The following OTUD7A variants were observed in gnomAD, a reference collection of about 807,000 sequenced individuals.
The protein encoded by OTUD7A is OTU deubiquitinase 7A, also known as OTU domain-containing protein 7A.
OTUD7A carries 12 observed loss-of-function variants against 65.7 expected under a neutral mutation model. The ratio of observed to expected loss-of-function variants is 0.18; its 90% confidence interval spans 0.12 to 0.30. The LOEUF (loss-of-function observed/expected upper bound fraction) is 0.30, where lower values mean the gene tolerates loss of function less well. OTUD7A is among the 10% of genes least tolerant of loss of function. The probability of loss-of-function intolerance (pLI) is 1.00; values close to 1 mark genes in which losing one functional copy is unlikely to be tolerated. For missense variants in OTUD7A, 1,148 were observed against 1,304.8 expected, an observed-to-expected ratio of 0.88 and a Z score of 1.85; for synonymous variants, 641 against 586.3, an observed-to-expected ratio of 1.09 and a Z score of -1.35.
intron 1 of OTUD7A, among the ~76,000 whole-genome samples, chr15:31,756,730 G>A (rs567402099): frequency 6.7e-4 from 101 of 151,804 alleles, no homozygotes; most frequent in African/African-American, 2.4e-3. Flanking sequence ...TAAGAATATG[G>A]GGATAGCCTA....
At chr15:31,709,921 T>C (rs1158835490) in intron 1 of OTUD7A, among the ~76,000 whole-genome samples, 3 of 151,308 alleles carry the variant, frequency 2.0e-5, no homozygotes, top group Admixed American at 2.0e-4. Flanking sequence ...CAGAGGAATA[T>C]ATGGTCTAAG....
chr15:31,620,054 T>C (rs909381795), intron 3 of OTUD7A, among the ~76,000 whole-genome samples: 4 of 152,370 alleles, frequency 2.6e-5, no homozygotes, highest in East Asian at 3.9e-4. Context: ...GTTCTGTTTA[T>C]ATGCTGGATT....
chr15:31,610,605 A>ATTTTTTTTTTTTTTTTTTTTTTTTTTTTT, intron 3 of OTUD7A, among the ~76,000 whole-genome samples: 1 of 38,678 alleles, frequency 2.6e-5, no homozygotes, highest in Non-Finnish European at 4.8e-5. Flanking sequence ...ATATATATAT[A>ATTTTTTTTTTTTTTTTTTTTTTTTTTTTT]TATATATATA....
chr15:31,613,451 GA>G (rs956770142), intron 3 of OTUD7A, among the ~76,000 whole-genome samples: 1 of 151,756 alleles, frequency 6.6e-6, no homozygotes, highest in African/African-American at 2.4e-5. Flanking sequence ...AAATCAGCAA[GA>G]AAAAAACAAA....
At chr15:31,819,289 A>G (rs1896622594) in intron 1 of OTUD7A, among the ~76,000 whole-genome samples, 1 of 152,302 alleles carries the variant, frequency 6.6e-6, no homozygotes, top group Non-Finnish European at 1.5e-5. Flanking sequence ...TAACCTAAAA[A>G]CTAAGAATAT....
At chr15:31,513,132 A>G (rs1308262222) in intron 8 of OTUD7A, among the ~76,000 whole-genome samples, 4 of 152,214 alleles carry the variant, frequency 2.6e-5, no homozygotes, top group African/African-American at 7.2e-5. Flanking sequence ...TGGCCTCCCA[A>G]AGTGCTGGGA....
chr15:31,637,437 C>A (rs9972336), intron 3 of OTUD7A, among the ~76,000 whole-genome samples: 4,664 of 152,248 alleles, frequency 0.031, 243 homozygotes, highest in African/African-American at 0.11. Context: ...GACAATGCAC[C>A]TAGTTACCCA....
chr15:31,628,769 T>C (rs1249121985), intron 3 of OTUD7A, among the ~76,000 whole-genome samples: 1 of 152,186 alleles, frequency 6.6e-6, no homozygotes, highest in Non-Finnish European at 1.5e-5. Flanking sequence ...TTAATTTCAT[T>C]GAGCAGTGGT....
intron 10 of OTUD7A, among the ~76,000 whole-genome samples, chr15:31,493,932 T>C (rs66527704): frequency 0.036 from 5,503 of 152,296 alleles, 168 homozygotes; most frequent in African/African-American, 0.08. Flanking sequence ...AATCAAAATT[T>C]CTGCCTTAAG....
intron 4 of OTUD7A, 87 bp downstream of exon 4, chr15:31,569,931 C>T: frequency 4.8e-6 from 7 of 1,458,404 alleles, no homozygotes; most frequent in Non-Finnish European, 6.6e-6. Context: ...GTGATGACCC[C>T]ACCATTCTTT....
rs750308859 is a variant in OTUD7A at position 31,475,763 on chromosome 15, C to A, written c.*7531G>T. On this transcript the variant is annotated 3_prime_UTR_variant, in exon 13 of 13. Coordinates refer to ENST00000307050, the MANE Select transcript of OTUD7A (RefSeq NM_001382637.1). The stretch of plus-strand genomic sequence containing the variant: ...CACCTGCAGGTAGAAAGGGGTTCTG[C>A]ACAACTGGGTCAAAGTAATGTGATT... 8 of 152,212 alleles carry A rather than the reference C, an allele frequency of 5.3e-5. No individual in the cohort carries two copies. The highest frequency in any genetic ancestry group is 7.3e-5 in the Non-Finnish European group (5 of 68,032). 9.4% of individuals were successfully genotyped at this position (152,212 alleles called of 1,614,324 possible). A position where few individuals can be genotyped will look rare whatever the true frequency, so the allele number is the denominator to read the frequency against.
At chr15:31,652,656 AG>A (rs1289335112) in intron 3 of OTUD7A, among the ~76,000 whole-genome samples, 1 of 152,216 alleles carries the variant, frequency 6.6e-6, no homozygotes, top group Admixed American at 6.5e-5. Flanking sequence ...ATTTAGACAT[AG>A]GCAAAAAGCC....
At chr15:31,579,194 G>A (rs1367110939) in intron 3 of OTUD7A, among the ~76,000 whole-genome samples, 1 of 152,216 alleles carries the variant, frequency 6.6e-6, no homozygotes, top group Non-Finnish European at 1.5e-5. Context: ...CATGAGGCAG[G>A]AAGTTTGTAA....
intron 1 of OTUD7A, among the ~76,000 whole-genome samples, chr15:31,777,526 T>A (rs895414533): frequency 1.1e-4 from 1 of 8,776 alleles, no homozygotes; most frequent in South Asian, 0.1. Context: ...GGACAGAAAA[T>A]GGAGGGGTCC....
intron 1 of OTUD7A, among the ~76,000 whole-genome samples, chr15:31,765,217 A>G (rs1434918625): frequency 2.0e-5 from 3 of 152,120 alleles, no homozygotes; most frequent in Non-Finnish European, 4.4e-5. Flanking sequence ...ATATATACAT[A>G]TTTTAAAAAC....
intron 1 of OTUD7A, among the ~76,000 whole-genome samples, 155 bp from the exon 2 acceptor site, chr15:31,657,232 A>G (rs6493846): frequency 0.35 from 53,199 of 151,992 alleles, 12,074 homozygotes; most frequent in African/African-American, 0.65. Flanking sequence ...GTCCCCGCTT[A>G]CCAGCTGACC....
At chr15:31,590,956 T>C (rs1371830860) in intron 3 of OTUD7A, among the ~76,000 whole-genome samples, 4 of 152,142 alleles carry the variant, frequency 2.6e-5, no homozygotes, top group African/African-American at 9.7e-5. Context: ...AAGATGCGTA[T>C]GTGCTTCTTA....
chr15:31,672,401 G>A (rs1441467301), intron 1 of OTUD7A, among the ~76,000 whole-genome samples: 2 of 152,202 alleles, frequency 1.3e-5, no homozygotes, highest in Non-Finnish European at 2.9e-5. Context: ...TTATTTGAAT[G>A]GAGTTAAAAA....
At chr15:31,544,480 C>T (rs1888074265) in intron 5 of OTUD7A, among the ~76,000 whole-genome samples, 1 of 151,722 alleles carries the variant, frequency 6.6e-6, no homozygotes, top group Non-Finnish European at 1.5e-5. Context: ...GTAAAGCCTA[C>T]AACTAGCTGT....
Sources: gnomAD v4.1 joint callset for allele counts (sites outside exome capture counted in the v4.1 genomes callset) on GRCh38, gnomAD v4.1.1 for gene constraint, MANE v1.5 for transcripts, NCBI Gene and HGNC (gene_info 2026-07-23, HGNC 2026-07-21) for gene names.